The following NCAM1 variants were observed in gnomAD, a reference collection of about 807,000 sequenced individuals.
The protein encoded by NCAM1 is neural cell adhesion molecule 1.
Under a neutral mutation model 109.8 loss-of-function variants are expected in NCAM1, and 14 were observed. That is an observed-to-expected ratio of 0.13 (90% CI 0.08 to 0.20). The LOEUF is 0.20. Ranked by LOEUF, NCAM1 falls within the 10% of genes least tolerant of loss-of-function variation. The pLI is 1.00. For synonymous variants in NCAM1, 418 were observed against 442.9 expected, an observed-to-expected ratio of 0.94 and a Z score of 0.70; for missense variants, 774 against 1,109.9, an observed-to-expected ratio of 0.70 and a Z score of 4.30.
intron 1 of NCAM1, among the ~76,000 whole-genome samples, chr11:112,993,020 G>C (rs1009208238): frequency 6.6e-6 from 1 of 152,048 alleles, no homozygotes; most frequent in Non-Finnish European, 1.5e-5. Flanking sequence ...CCCAAAACAG[G>C]TCTGTCAGTA....
intron 1 of NCAM1, among the ~76,000 whole-genome samples, chr11:113,101,763 C>T (rs1555091570): frequency 1.3e-5 from 2 of 152,114 alleles, no homozygotes; most frequent in East Asian, 3.8e-4. Context: ...TTAATCCAAA[C>T]AGTCAGGCTT....
intron 1 of NCAM1, among the ~76,000 whole-genome samples, chr11:112,968,852 T>C (rs1950796031): frequency 6.6e-6 from 1 of 152,156 alleles, no homozygotes; most frequent in South Asian, 2.1e-4. Context: ...CAACAAACAT[T>C]GAATTACAAC....
At chr11:113,169,824 G>A (rs184720099) in intron 1 of NCAM1, among the ~76,000 whole-genome samples, 682 of 151,978 alleles carry the variant, frequency 4.5e-3, no homozygotes, top group Non-Finnish European at 7.5e-3. Context: ...ACGGGGTTTC[G>A]CCATGTTGGT....
chr11:113,231,165 T>A (rs554626814), intron 9 of NCAM1: 50 of 1,524,054 alleles, frequency 3.3e-5, no homozygotes, highest in Non-Finnish European at 4.0e-5. Context: ...AATAATTTCT[T>A]ATGTTGGGCA....
rs545394802 is a variant in NCAM1, at chr11:113,113,230, A to G, written c.53-89149A>G. Among the ~76,000 whole-genome samples, 10 of 152,320 alleles carry G rather than the reference A, an allele frequency of 6.6e-5. No individual in the cohort carries two copies. In the South Asian group the frequency reaches 1.7e-3, roughly 25 times the overall value. ...AAATTGTTATCCTCTGACCTAGTAG[A>G]AAGGGTCTAAACCTCTGCTTTCTTT... On this transcript the variant is annotated intron_variant, in intron 1 of 19. Transcript: ENST00000316851.
At chr11:113,229,955 G>A (rs1944954900) in intron 9 of NCAM1, among the ~76,000 whole-genome samples, 1 of 151,926 alleles carries the variant, frequency 6.6e-6, no homozygotes, top group South Asian at 2.1e-4. Context: ...AGCGGGGAGG[G>A]ATAGCATTAG....
At chr11:113,071,068 G>C (rs781832490) in intron 1 of NCAM1, among the ~76,000 whole-genome samples, 2 of 152,150 alleles carry the variant, frequency 1.3e-5, no homozygotes, top group Admixed American at 6.5e-5. Flanking sequence ...GAAGAACTAA[G>C]GCTGAAGGTG....
chr11:113,052,744 A>T (rs7102704), intron 1 of NCAM1, among the ~76,000 whole-genome samples: 66,442 of 151,990 alleles, frequency 0.44, 15,582 homozygotes, highest in East Asian at 0.81. Flanking sequence ...CAGGTTTATT[A>T]CATAGGTAAA....
At chr11:113,144,040 A>C (rs916256523) in intron 1 of NCAM1, among the ~76,000 whole-genome samples, 2 of 152,210 alleles carry the variant, frequency 1.3e-5, no homozygotes, top group African/African-American at 4.8e-5. Flanking sequence ...GACTTAGCAT[A>C]GCAAAACTGG....
chr11:113,259,485 C>A (rs935131903), intron 16 of NCAM1, among the ~76,000 whole-genome samples: 6 of 152,168 alleles, frequency 3.9e-5, no homozygotes, highest in Non-Finnish European at 7.3e-5. Flanking sequence ...TCTAGGACAT[C>A]CTTATGCATA....
intron 1 of NCAM1, among the ~76,000 whole-genome samples, chr11:113,176,554 C>T (rs1032869954): frequency 3.9e-5 from 6 of 152,192 alleles, no homozygotes; most frequent in Non-Finnish European, 8.8e-5. Context: ...ATCTGGTCTA[C>T]TCTGAGGTCA....
intron 1 of NCAM1, among the ~76,000 whole-genome samples, chr11:113,054,844 A>T (rs1953633235): frequency 6.6e-6 from 1 of 152,036 alleles, no homozygotes; most frequent in African/African-American, 2.4e-5. Flanking sequence ...CAAGAGAGCC[A>T]CTCAAAGGGG....
rs1263602860 is a variant in NCAM1, at chr11:112,962,764, C to T, written c.52+1100C>T. ...CCACCCTCCCCTCCAGCTGTCATCC[C>T]CCCACCTCCACCCAAGGATTTGCGC... On this transcript the variant is annotated intron_variant, in intron 1 of 19. Transcript: ENST00000316851. The surrounding 1 kb of genome is among the most constrained non-coding windows in gnomAD (Gnocchi z 5.6). Among the ~76,000 whole-genome samples the T allele has an allele frequency of 2.0e-5, 3 of 152,128 alleles. No homozygotes were observed. Among genetic ancestry groups the T allele is most frequent in the Non-Finnish European group, 4.4e-5 (3 of 68,004 alleles).
At chr11:113,229,736 T>C (rs1236727667) in intron 9 of NCAM1, among the ~76,000 whole-genome samples, 2 of 152,180 alleles carry the variant, frequency 1.3e-5, no homozygotes, top group African/African-American at 4.8e-5. Flanking sequence ...ATATACACCA[T>C]GGAATACTAT....
intron 1 of NCAM1, among the ~76,000 whole-genome samples, chr11:113,146,393 C>G (rs1218795626): frequency 1.3e-5 from 2 of 151,878 alleles, no homozygotes; most frequent in African/African-American, 4.8e-5. Context: ...GCTAAATGAA[C>G]CTGTTTGATT....
chr11:113,243,692 T>C (rs947712465), intron 14 of NCAM1: 8 of 447,568 alleles, frequency 1.8e-5, no homozygotes, highest in Admixed American at 4.5e-5. Context: ...TGTTCAAGCA[T>C]CAAAGCTGTG....
chr11:113,081,342 C>T (rs1311953383), intron 1 of NCAM1, among the ~76,000 whole-genome samples: 1 of 152,074 alleles, frequency 6.6e-6, no homozygotes, highest in African/African-American at 2.4e-5. Flanking sequence ...AGAAGTATGG[C>T]GGACGGTTCC....
chr11:113,263,914 G>C (rs1352377144), intron 17 of NCAM1: 2 of 985,434 alleles, frequency 2.0e-6, no homozygotes, highest in Non-Finnish European at 2.4e-6. Flanking sequence ...GAGCCAACCT[G>C]TCAGTGCTTC....
At chr11:113,047,087 G>T (rs1953296923) in intron 1 of NCAM1, among the ~76,000 whole-genome samples, 1 of 152,202 alleles carries the variant, frequency 6.6e-6, no homozygotes, top group Non-Finnish European at 1.5e-5. Context: ...GAGATTTGTG[G>T]CTTGATACTA....
Sources: gnomAD v4.1 joint callset for allele counts (sites outside exome capture counted in the v4.1 genomes callset) on GRCh38, gnomAD v4.1.1 for gene constraint, Gnocchi (gnomAD v3.1) non-coding constraint, MANE v1.5 for transcripts, NCBI Gene and HGNC (gene_info 2026-07-23, HGNC 2026-07-21) for gene names.